Variants in BMAL1 observed in about 807,000 individuals in gnomAD.
The protein encoded by BMAL1 is basic helix-loop-helix ARNT-like protein 1.
At chr11:13,358,858 C>CT in the BMAL1 span, among the ~76,000 whole-genome samples, 6 of 152,330 alleles carry the variant, frequency 3.9e-5, no homozygotes, top group Admixed American at 3.9e-4. Flanking sequence ...TGTAATCAGG[C>CT]TATGTGCCTA....
At chr11:13,307,860 C>A in the BMAL1 span, among the ~76,000 whole-genome samples, 1 of 152,140 alleles carries the variant, frequency 6.6e-6, no homozygotes, top group Non-Finnish European at 1.5e-5. Context: ...CGCGAGTCTG[C>A]TTTAGGCACA....
At chr11:13,378,502 T>C in the BMAL1 span, 1 of 1,562,752 alleles carries the variant, frequency 6.4e-7, no homozygotes. Context: ...CCAGGGAAAT[T>C]TTTTCCCCCA....
the BMAL1 span, chr11:13,356,861 C>G: frequency 6.2e-7 from 1 of 1,607,380 alleles, no homozygotes; most frequent in Non-Finnish European, 8.5e-7. Flanking sequence ...CTTGGGGCAG[C>G]ACCCATGTCC....
chr11:13,304,715 T>C, the BMAL1 span, among the ~76,000 whole-genome samples: 1 of 152,138 alleles, frequency 6.6e-6, no homozygotes, highest in African/African-American at 2.4e-5. Context: ...GTGTGCCCTC[T>C]AGGGGGGTGA....
the BMAL1 span, among the ~76,000 whole-genome samples, chr11:13,302,982 C>T: frequency 6.6e-6 from 1 of 152,212 alleles, no homozygotes; most frequent in Non-Finnish European, 1.5e-5. Context: ...CCTCTGGCCT[C>T]GAGCTGATTA....
At chr11:13,334,419 G>A in the BMAL1 span, among the ~76,000 whole-genome samples, 2 of 152,192 alleles carry the variant, frequency 1.3e-5, no homozygotes, top group African/African-American at 4.8e-5. Context: ...CAGGGCAGAG[G>A]CATCTGCACT....
chr11:13,371,345 T>G, the BMAL1 span, among the ~76,000 whole-genome samples: 4 of 152,210 alleles, frequency 2.6e-5, no homozygotes, highest in African/African-American at 4.8e-5. Flanking sequence ...GTTAGAGTCA[T>G]CTTCATTTGT....
chr11:13,353,512 T>G, the BMAL1 span: 1 of 152,210 alleles, frequency 6.6e-6, no homozygotes, highest in Non-Finnish European at 1.5e-5. Context: ...ATATGTTTAT[T>G]GATTAGAAGA....
the BMAL1 span, among the ~76,000 whole-genome samples, chr11:13,359,563 G>GAT: frequency 6.6e-6 from 1 of 152,146 alleles, no homozygotes; most frequent in Non-Finnish European, 1.5e-5. Flanking sequence ...AAAGAGCAGG[G>GAT]ATAGGGATCA....
At chr11:13,355,381 A>T in the BMAL1 span, 1 of 1,284,752 alleles carries the variant, frequency 7.8e-7, no homozygotes, top group Non-Finnish European at 1.1e-6. Flanking sequence ...CTTCCATAGC[A>T]GTAACTCCCC....
At chr11:13,296,556 C>T in the BMAL1 span, among the ~76,000 whole-genome samples, 1 of 152,112 alleles carries the variant, frequency 6.6e-6, no homozygotes, top group East Asian at 1.9e-4. Flanking sequence ...TTGTTATTAC[C>T]CTCCTTTAAA....
At chr11:13,357,635 C>T in the BMAL1 span, among the ~76,000 whole-genome samples, 26 of 152,198 alleles carry the variant, frequency 1.7e-4, no homozygotes, top group African/African-American at 5.8e-4. This position sits in a 1 kb window ranked among gnomAD's most constrained non-coding sequence, Gnocchi z 4.8. Context: ...TCTGAGGCTG[C>T]GTCATGACAG....
the BMAL1 span, chr11:13,354,222 A>G: frequency 5.7e-6 from 5 of 880,142 alleles, no homozygotes; most frequent in African/African-American, 5.4e-5. Flanking sequence ...CAAACCCCCA[A>G]GCACCAACCT....
the BMAL1 span, among the ~76,000 whole-genome samples, chr11:13,319,173 C>A: frequency 6.6e-6 from 1 of 152,218 alleles, no homozygotes; most frequent in African/African-American, 2.4e-5. Context: ...TCCATATGTA[C>A]AGATAAATGT....
At chr11:13,378,351 A>G in the BMAL1 span, 1 of 1,611,260 alleles carries the variant, frequency 6.2e-7, no homozygotes, top group Admixed American at 1.7e-5. Context: ...CCCAAAGAGG[A>G]CCCACCCCAC....
the BMAL1 span, among the ~76,000 whole-genome samples, chr11:13,299,168 TGA>T: frequency 6.6e-6 from 1 of 152,194 alleles, no homozygotes; most frequent in South Asian, 2.1e-4. Flanking sequence ...ACCACTTAAA[TGA>T]GAGTCTCCAG....
chr11:13,280,014 GT>G, the BMAL1 span, among the ~76,000 whole-genome samples: 1 of 152,216 alleles, frequency 6.6e-6, no homozygotes. Context: ...TCTAGGTTGT[GT>G]TTGCCTCTGA....
chr11:13,290,485 C>A, the BMAL1 span, among the ~76,000 whole-genome samples: 1 of 152,080 alleles, frequency 6.6e-6, no homozygotes, highest in Non-Finnish European at 1.5e-5. Context: ...AGCATGCTGT[C>A]CAGGTAATAC....
At chr11:13,298,074 C>T in the BMAL1 span, among the ~76,000 whole-genome samples, 2 of 152,236 alleles carry the variant, frequency 1.3e-5, no homozygotes, top group Admixed American at 6.5e-5. Flanking sequence ...CTTCTGACCT[C>T]ATCTCCCACC....
Sources: gnomAD v4.1 joint callset for allele counts (sites outside exome capture counted in the v4.1 genomes callset) on GRCh38, gnomAD v4.1.1 for gene constraint, Gnocchi (gnomAD v3.1) non-coding constraint, MANE v1.5 for transcripts, NCBI Gene and HGNC (gene_info 2026-07-23, HGNC 2026-07-21) for gene names.